The following UACA variants were observed in gnomAD, a reference collection of about 807,000 sequenced individuals.
UACA encodes the protein uveal autoantigen with coiled-coil domains and ankyrin repeats, also known as nuclear membrane binding protein.
Under a neutral mutation model 160.5 loss-of-function variants are expected in UACA, and 112 were observed. The observed-to-expected ratio is 0.70, with a 90% confidence interval of 0.60 to 0.82. The LOEUF is 0.82. Ranked by LOEUF, UACA falls within the 40% of genes least tolerant of loss-of-function variation. UACA has a pLI of 0.00. For synonymous variants in UACA, 557 were observed against 568.4 expected, an observed-to-expected ratio of 0.98 and a Z score of 0.29; for missense variants, 1,574 against 1,614.6, an observed-to-expected ratio of 0.97 and a Z score of 0.43.
In UACA at chr15:70,656,383, T is replaced by A. The variant is rs1042564517; in HGVS notation, c.*673A>T. 6.6e-6 allele frequency: 1 copy of A among 152,198 alleles called. No individual in the cohort carries two copies. Among genetic ancestry groups the A allele is most frequent in the Non-Finnish European group, 1.5e-5 (1 of 68,032 alleles). The allele number at this position is 152,198 out of a possible 1,614,324, so 9.4% of individuals were successfully genotyped here. On this transcript the variant is annotated 3_prime_UTR_variant, in exon 19 of 19. Transcript: ENST00000322954. The stretch of plus-strand genomic sequence containing the variant: ...AAAATTAAGATACTGTTGTAGAGAT[T>A]AAGGCAATTTTATTATAAATTCCTG...
chr15:70,712,128 C>A (rs558382195), intron 1 of UACA, among the ~76,000 whole-genome samples: 12 of 150,384 alleles, frequency 8.0e-5, no homozygotes, highest in Non-Finnish European at 1.3e-4. Flanking sequence ...ATGTCCCAAA[C>A]CAAAAACATG....
chr15:70,745,372 T>G (rs1220986717), intron 1 of UACA, among the ~76,000 whole-genome samples: 2 of 150,792 alleles, frequency 1.3e-5, no homozygotes, highest in East Asian at 3.9e-4. Flanking sequence ...GAGGCGGAGC[T>G]TGCAGTGAGC....
intron 1 of UACA, among the ~76,000 whole-genome samples, chr15:70,729,882 A>ACTGCCAC (rs1899268896): frequency 9.9e-6 from 1 of 101,394 alleles, no homozygotes; most frequent in East Asian, 2.6e-4. Context: ...GCAGGGGCAC[A>ACTGCCAC]CTGACACCTC....
intron 3 of UACA, among the ~76,000 whole-genome samples, chr15:70,692,774 A>G (rs1897985225): frequency 6.6e-6 from 1 of 152,182 alleles, no homozygotes; most frequent in African/African-American, 2.4e-5. Flanking sequence ...GTCAGAAAAA[A>G]ACAAAAACAA....
chr15:70,670,636 T>C (rs1470680376), intron 15 of UACA, among the ~76,000 whole-genome samples: 4 of 151,916 alleles, frequency 2.6e-5, no homozygotes, highest in Non-Finnish European at 5.9e-5. Flanking sequence ...ACAGATTTAC[T>C]GTTAGTTAAA....
chr15:70,659,405 T>TTG (rs1566958290), intron 18 of UACA, among the ~76,000 whole-genome samples: 1 of 122,838 alleles, frequency 8.1e-6, no homozygotes, highest in Non-Finnish European at 1.7e-5. Flanking sequence ...GTTTTTTTTT[T>TTG]TTTTTTTTTT....
chr15:70,664,514 G>C (rs1436858325), intron 17 of UACA, 148 bp downstream of exon 17: 162 of 901,540 alleles, frequency 1.8e-4, no homozygotes, highest in Non-Finnish European at 1.5e-4. Context: ...TACACCACCA[G>C]TATAGGTAAC....
chr15:70,727,304 G>T (rs565290872), intron 1 of UACA, among the ~76,000 whole-genome samples: 58 of 152,158 alleles, frequency 3.8e-4, no homozygotes, highest in Non-Finnish European at 7.6e-4. Context: ...ATTAATGCAT[G>T]TTTCCAAAAA....
At chr15:70,695,169 TTAA>T (rs1160120483) in intron 2 of UACA, 64 bp from the exon 3 acceptor site, 4 of 1,185,020 alleles carry the variant, frequency 3.4e-6, no homozygotes, top group Non-Finnish European at 4.7e-6. Flanking sequence ...AAATGCTACA[TTAA>T]TGTCACCCTT....
chr15:70,679,725 A>G, intron 9 of UACA, 49 bp from the exon 10 acceptor site: 1 of 1,284,704 alleles, frequency 7.8e-7, no homozygotes, highest in African/African-American at 1.5e-5. Flanking sequence ...AAGAATACAG[A>G]AAAGTATATT....
Position 70,689,190 on chromosome 15 carries a change from C to T in UACA, c.424+1264G>A, listed in dbSNP as rs572092216. Among the ~76,000 whole-genome samples, 5 of 152,224 alleles carry T rather than the reference C, an allele frequency of 3.3e-5. No individual in the cohort carries two copies. The South Asian group carries it at 1.0e-3, about 32-fold the overall frequency. On this transcript the variant is annotated intron_variant, in intron 5 of 18. Coordinates refer to ENST00000322954, the MANE Select transcript of UACA (RefSeq NM_018003.4). ...ACCTTGCAGTTAAGGAAGATACTCA[C>T]AGGTAAGTGGAGAAACAAGATAGAA...
At chr15:70,701,016 CAAGT>C (rs1898341382) in intron 1 of UACA, among the ~76,000 whole-genome samples, 1 of 151,752 alleles carries the variant, frequency 6.6e-6, no homozygotes, top group Non-Finnish European at 1.5e-5. Context: ...TCTTGTTAAA[CAAGT>C]AATGTAAAAT....
upstream of UACA, among the ~76,000 whole-genome samples, chr15:70,767,262 AACAAAAACAAAAACAAC>A (rs2031036322): frequency 8.2e-6 from 1 of 122,004 alleles, no homozygotes. Context: ...AAAAACAAAA[AACAAAAACAAAAACAAC>A]AACAATAAAA....
chr15:70,752,220 C>T (rs928525438), intron 1 of UACA, among the ~76,000 whole-genome samples: 7 of 124,356 alleles, frequency 5.6e-5, no homozygotes, highest in South Asian at 2.8e-4. Context: ...CCTGGGGCAA[C>T]GAGAGCAAAA....
intron 1 of UACA, among the ~76,000 whole-genome samples, chr15:70,725,458 G>C (rs1334048219): frequency 6.6e-6 from 1 of 152,148 alleles, no homozygotes; most frequent in Non-Finnish European, 1.5e-5. Context: ...TATAAGAAAA[G>C]CATAGTCATT....
In UACA at chr15:70,662,207, T is replaced by C. The variant is rs1218540039; in HGVS notation, c.4114-1991A>G. ...TGTGCAAAAATCACAAGCATTCTTATACACCAATAACAGACAAACAGAGAG... is the reference window on the plus strand; with the variant it reads ...TGTGCAAAAATCACAAGCATTCTTACACACCAATAACAGACAAACAGAGAG... On this transcript the variant is annotated intron_variant, in intron 17 of 18. Coordinates refer to ENST00000322954, the MANE Select transcript of UACA (RefSeq NM_018003.4). 2.6e-5 allele frequency among the ~76,000 whole-genome samples: 4 copies of C among 152,134 alleles called. 1 individual carries two copies. The highest frequency in any genetic ancestry group is 5.9e-5 in the Non-Finnish European group (4 of 68,018).
At chr15:70,764,366 T>TA (rs1489878265), upstream of UACA, among the ~76,000 whole-genome samples, 1 of 152,204 alleles carries the variant, frequency 6.6e-6, no homozygotes, top group Non-Finnish European at 1.5e-5. Context: ...TGAAGTTAAA[T>TA]CATCTTACCT....
At chr15:70,755,986 C>A (rs1466544692) in intron 1 of UACA, among the ~76,000 whole-genome samples, 1 of 152,164 alleles carries the variant, frequency 6.6e-6, no homozygotes, top group Admixed American at 6.5e-5. Flanking sequence ...TGTGCCCCCA[C>A]AGCAATTTAT....
Position 70,655,491 on chromosome 15 carries a change from G to C in UACA, c.*1565C>G, listed in dbSNP as rs1896454778. 1 of 152,122 alleles carries C rather than the reference G, an allele frequency of 6.6e-6. No homozygotes were observed. The highest frequency in any genetic ancestry group is 2.1e-4 in the South Asian group (1 of 4,828). 9.4% of individuals were successfully genotyped at this position (152,122 alleles called of 1,614,324 possible). A position where few individuals can be genotyped will look rare whatever the true frequency, so the allele number is the denominator to read the frequency against. ...GATCTACCTCCCTCAGCCTCCCAAA[G>C]TGCTGGGATTACAGGCATGAGCCAC... is the stretch of plus-strand genomic sequence containing the variant. On this transcript the variant is annotated 3_prime_UTR_variant, in exon 19 of 19. Coordinates refer to ENST00000322954, the MANE Select transcript of UACA (RefSeq NM_018003.4).
Sources: gnomAD v4.1 joint callset for allele counts (sites outside exome capture counted in the v4.1 genomes callset) on GRCh38, gnomAD v4.1.1 for gene constraint, MANE v1.5 for transcripts, NCBI Gene and HGNC (gene_info 2026-07-23, HGNC 2026-07-21) for gene names.